Variants in SNX29 observed in about 807,000 individuals in gnomAD.
SNX29 encodes sorting nexin-29.
SNX29 carries 78 observed loss-of-function variants against 102.1 expected under a neutral mutation model. That is an observed-to-expected ratio of 0.76 (90% confidence interval 0.64 to 0.92). SNX29 has a LOEUF of 0.92. SNX29 is among the 40% of genes least tolerant of loss of function. SNX29 has a pLI of 0.00. For missense variants in SNX29, 1,280 were observed against 1,061.7 expected, an observed-to-expected ratio of 1.21 and a Z score of -2.86; for synonymous variants, 580 against 414.5, an observed-to-expected ratio of 1.40 and a Z score of -4.85.
At chr16:12,540,989 G>A (rs755499040) in intron 20 of SNX29, among the ~76,000 whole-genome samples, 2 of 152,290 alleles carry the variant, frequency 1.3e-5, no homozygotes, top group South Asian at 4.1e-4. Context: ...GGGGAAAAAT[G>A]GTGAGCTCAC....
rs559136111 is a variant in SNX29 at position 12,042,814 on chromosome 16, T to A, written c.248-83T>A. ...GGGATACTCTGTTACAATCTCCAAC[T>A]TCGCCTAGAGGCTTTGTGTGTTCCT... On this transcript the variant is annotated intron_variant, in intron 4 of 20. Transcript: ENST00000566228. 595 of 1,421,768 alleles carry A rather than the reference T, an allele frequency of 4.2e-4. 7 individuals are homozygous for A. In the South Asian group the frequency reaches 7.8e-3, roughly 19 times the overall value. 88.1% of individuals were successfully genotyped at this position (1,421,768 alleles called of 1,614,324 possible). A position where few individuals can be genotyped will look rare whatever the true frequency, so the allele number is the denominator to read the frequency against.
At chr16:12,567,728 C>T (rs1030020357) in intron 20 of SNX29, among the ~76,000 whole-genome samples, 4 of 152,210 alleles carry the variant, frequency 2.6e-5, no homozygotes, top group Non-Finnish European at 5.9e-5. Context: ...CACGATTGCA[C>T]TGTAAAACCT....
At chr16:12,179,695 A>T (rs1478634288) in intron 13 of SNX29, among the ~76,000 whole-genome samples, 1 of 152,186 alleles carries the variant, frequency 6.6e-6, no homozygotes, top group Non-Finnish European at 1.5e-5. Context: ...TTCATCTGTG[A>T]CGGATTCTGC....
At chr16:12,557,695 G>C (rs1481077545) in intron 20 of SNX29, 6 of 152,214 alleles carry the variant, frequency 3.9e-5, no homozygotes, top group African/African-American at 1.4e-4. Flanking sequence ...CAGTGCAGTA[G>C]GCTCGTTTGA....
chr16:12,421,264 C>G lies in SNX29; in HGVS notation c.2037+17735C>G, dbSNP rs1038305218. Among the ~76,000 whole-genome samples the G allele has an allele frequency of 1.2e-4, 19 of 152,318 alleles. No homozygotes were observed. In the South Asian group the frequency reaches 2.1e-3, roughly 17 times the overall value. On this transcript the variant is annotated intron_variant, in intron 18 of 20. Transcript: ENST00000566228. The stretch of plus-strand genomic sequence containing the variant: ...AGTTAGAAGCCAAAAGTAATGGAGG[C>G]TACTCCTAAGAGCCAAGGAGGTGGA...
intron 4 of SNX29, among the ~76,000 whole-genome samples, chr16:12,038,437 T>A (rs1055249995): frequency 6.6e-6 from 1 of 152,234 alleles, no homozygotes; most frequent in African/African-American, 2.4e-5. Flanking sequence ...GCACTTGTTC[T>A]TGTTGGCATT....
chr16:12,432,090 A>G (rs1462123652), intron 18 of SNX29, among the ~76,000 whole-genome samples: 2 of 152,204 alleles, frequency 1.3e-5, no homozygotes, highest in Non-Finnish European at 2.9e-5. Context: ...AGACCTGGTG[A>G]TGGTGGAGGG....
chr16:12,368,050 C>A (rs1201033441), intron 16 of SNX29, among the ~76,000 whole-genome samples: 1 of 152,220 alleles, frequency 6.6e-6, no homozygotes, highest in African/African-American at 2.4e-5. Flanking sequence ...GCTGTTCATG[C>A]AGGTGCTTCT....
At chr16:12,239,639 CAAAAAAAAAAAAAAA>C (rs61024203) in intron 14 of SNX29, among the ~76,000 whole-genome samples, 13 of 62,566 alleles carry the variant, frequency 2.1e-4, no homozygotes, top group South Asian at 1.7e-3. Flanking sequence ...CCTGTTTCTA[CAAAAAAAAAAAAAAA>C]AAAAAAAAAA....
chr16:12,421,055 T>C (rs1410263111), intron 18 of SNX29, among the ~76,000 whole-genome samples: 3 of 152,182 alleles, frequency 2.0e-5, no homozygotes, highest in African/African-American at 7.2e-5. Context: ...AGGTGGTCAG[T>C]AGCTGCATTT....
chr16:12,346,225 A>G (rs1286909450), intron 15 of SNX29, among the ~76,000 whole-genome samples: 1 of 152,014 alleles, frequency 6.6e-6, no homozygotes, highest in Non-Finnish European at 1.5e-5. Flanking sequence ...AGGATGGAGG[A>G]GCGGGGACAG....
intron 14 of SNX29, among the ~76,000 whole-genome samples, chr16:12,269,374 T>G (rs1294308375): frequency 1.3e-5 from 2 of 152,244 alleles, no homozygotes; most frequent in Non-Finnish European, 2.9e-5. Context: ...TGAATCCTGC[T>G]TGGAGGCTCC....
At chr16:12,223,927 G>A (rs1055720097) in intron 14 of SNX29, among the ~76,000 whole-genome samples, 1 of 152,266 alleles carries the variant, frequency 6.6e-6, no homozygotes, top group Non-Finnish European at 1.5e-5. Flanking sequence ...TTGGACATAC[G>A]AAGAAACGTA....
At chr16:12,310,910 A>AT (rs1385407781) in intron 15 of SNX29, among the ~76,000 whole-genome samples, 1 of 152,236 alleles carries the variant, frequency 6.6e-6, no homozygotes, top group Non-Finnish European at 1.5e-5. Context: ...TCAGGGCAAA[A>AT]TAACGAAGAA....
intron 2 of SNX29, among the ~76,000 whole-genome samples, chr16:12,002,708 T>C (rs1362143244): frequency 1.3e-5 from 2 of 152,242 alleles, no homozygotes; most frequent in Admixed American, 6.5e-5. Context: ...AATGCACAGA[T>C]GGCTGTGTGC....
At chr16:12,386,679 A>G (rs1216806315) in intron 16 of SNX29, among the ~76,000 whole-genome samples, 1 of 152,204 alleles carries the variant, frequency 6.6e-6, no homozygotes, top group African/African-American at 2.4e-5. Flanking sequence ...TGGAAAACAC[A>G]TGGATGCATT....
chr16:12,115,850 G>A (rs2053677238), intron 11 of SNX29, among the ~76,000 whole-genome samples: 1 of 152,192 alleles, frequency 6.6e-6, no homozygotes, highest in African/African-American at 2.4e-5. Flanking sequence ...AAGTGAGTGA[G>A]CCTCTTGTGT....
At chr16:12,095,956 C>T (rs2052749806) in intron 11 of SNX29, among the ~76,000 whole-genome samples, 1 of 152,216 alleles carries the variant, frequency 6.6e-6, no homozygotes. Context: ...AACACAATTC[C>T]AAACATTCGG....
At chr16:12,336,204 C>T (rs991730420) in intron 15 of SNX29, among the ~76,000 whole-genome samples, 12 of 151,942 alleles carry the variant, frequency 7.9e-5, no homozygotes, top group African/African-American at 1.4e-4. Context: ...CTTCATATTG[C>T]GGGTCTTCCA....
Sources: allele counts gnomAD v4.1 joint callset (sites outside exome capture counted in the v4.1 genomes callset), GRCh38; gene constraint gnomAD v4.1.1; transcripts MANE v1.5; gene names NCBI Gene and HGNC (gene_info 2026-07-23, HGNC 2026-07-21).